Variants in FGFR2 observed in about 807,000 individuals in gnomAD.
FGFR2 encodes fibroblast growth factor receptor 2.
A neutral mutation model predicts 95.9 loss-of-function variants in FGFR2; 19 were observed. That is an observed-to-expected ratio of 0.20 (90% confidence interval 0.14 to 0.29). The LOEUF is 0.29. Among genes scored for constraint, FGFR2 ranks in the 10% least tolerant of loss-of-function variants. The probability of loss-of-function intolerance (pLI) is 1.00; values close to 1 mark genes in which losing one functional copy is unlikely to be tolerated. For missense variants in FGFR2, 707 were observed against 1,056.9 expected (o/e 0.67, Z 4.59); for synonymous variants, 392 against 393.3 (o/e 1.00, Z 0.04).
intron 2 of FGFR2, among the ~76,000 whole-genome samples, chr10:121,579,617 AAC>A (rs1860502007): frequency 6.6e-6 from 1 of 152,156 alleles, no homozygotes; most frequent in Non-Finnish European, 1.5e-5. Flanking sequence ...TCATCCATCC[AAC>A]ACATTTGAGA....
At chr10:121,512,422 A>C (rs1002010294) in intron 9 of FGFR2, among the ~76,000 whole-genome samples, 2 of 152,194 alleles carry the variant, frequency 1.3e-5, no homozygotes, top group Non-Finnish European at 2.9e-5. Context: ...CCCCAAATAA[A>C]TTAATCTCGC....
chr10:121,542,632 A>C (rs930134817), intron 5 of FGFR2, among the ~76,000 whole-genome samples: 3 of 152,248 alleles, frequency 2.0e-5, no homozygotes, highest in East Asian at 3.8e-4. Context: ...TGTTCACTAA[A>C]GACTTTTTTA....
At chr10:121,566,604 C>G (rs777950216) in intron 2 of FGFR2, among the ~76,000 whole-genome samples, 1 of 152,132 alleles carries the variant, frequency 6.6e-6, no homozygotes, top group Admixed American at 6.5e-5. Flanking sequence ...CAGGGTCCTC[C>G]GTGATGGGAG....
At chr10:121,569,538 T>C (rs1353399926) in intron 2 of FGFR2, among the ~76,000 whole-genome samples, 2 of 152,168 alleles carry the variant, frequency 1.3e-5, no homozygotes, top group African/African-American at 2.4e-5. Context: ...TGGATTGCTA[T>C]CTCCAGATAC....
At chr10:121,493,945 T>A (rs1846456202) in intron 13 of FGFR2, among the ~76,000 whole-genome samples, 1 of 151,650 alleles carries the variant, frequency 6.6e-6, no homozygotes. Context: ...TCTCTTTCTC[T>A]CCCTCCTATC....
chr10:121,537,144 C>T (rs1236982587), intron 6 of FGFR2, among the ~76,000 whole-genome samples: 1 of 152,198 alleles, frequency 6.6e-6, no homozygotes, highest in Non-Finnish European at 1.5e-5. Context: ...CATGTTTTCT[C>T]TATGGGGAAA....
chr10:121,484,893 C>T (rs1441205183), intron 16 of FGFR2, among the ~76,000 whole-genome samples: 1 of 152,180 alleles, frequency 6.6e-6, no homozygotes, highest in Non-Finnish European at 1.5e-5. Flanking sequence ...TGGCAATTTT[C>T]AATGGTTCGA....
intron 6 of FGFR2, among the ~76,000 whole-genome samples, chr10:121,524,101 T>TACACACACACACACACAC (rs61527395): frequency 2.2e-5 from 2 of 89,132 alleles, no homozygotes; most frequent in African/African-American, 7.2e-5. Context: ...CGGCTATGTA[T>TACACACACACACACACAC]ACACACACAC....
At chr10:121,577,158 A>C (rs10886947) in intron 2 of FGFR2, among the ~76,000 whole-genome samples, 1 of 13,944 alleles carries the variant, frequency 7.2e-5, no homozygotes, top group African/African-American at 2.7e-4. Flanking sequence ...AAAAAAAAAA[A>C]ATATATATAT....
intron 5 of FGFR2, among the ~76,000 whole-genome samples, chr10:121,545,462 G>C (rs566985519): frequency 5.1e-4 from 78 of 152,150 alleles, no homozygotes; most frequent in Non-Finnish European, 8.4e-4. Context: ...CTGCCTCTTT[G>C]GGCTGTGGAA....
chr10:121,509,756 T>A (rs1848813750), intron 9 of FGFR2, among the ~76,000 whole-genome samples: 1 of 151,994 alleles, frequency 6.6e-6, no homozygotes, highest in South Asian at 2.1e-4. Context: ...GTGCTGGGAT[T>A]ACAGGTGTGG....
At chr10:121,561,969 T>A (rs1016709752) in intron 4 of FGFR2, among the ~76,000 whole-genome samples, 1 of 152,174 alleles carries the variant, frequency 6.6e-6, no homozygotes, top group African/African-American at 2.4e-5. Context: ...ATCAGAGAAA[T>A]TTAAATTAAA....
At position 121,570,255 on chromosome 10, in the gene FGFR2, G is replaced by A. The variant is rs147223152; in HGVS notation, c.110-4551C>T. Among the ~76,000 whole-genome samples the A allele has an allele frequency of 9.8e-4, 149 of 152,338 alleles. 1 individual carries two copies. The highest frequency in any genetic ancestry group is 3.5e-3 in the African/African-American group (144 of 41,576). Reference sequence around the variant, plus strand: ...TTCTCTTCTGGGTTTGAATGCTGCAGGTGACCTGACCCGCTGCCCACTCCC... The same window carrying A: ...TTCTCTTCTGGGTTTGAATGCTGCAAGTGACCTGACCCGCTGCCCACTCCC... On this transcript the variant is annotated intron_variant, in intron 2 of 17. Transcript: ENST00000358487.
chr10:121,574,802 A>G (rs772521938), intron 2 of FGFR2, among the ~76,000 whole-genome samples: 6 of 152,246 alleles, frequency 3.9e-5, no homozygotes, highest in Non-Finnish European at 8.8e-5. Flanking sequence ...TACTCCGCAC[A>G]ATATAAAGGT....
chr10:121,577,182 G>GAGAGAGAGAGAGAGAGAGAA (rs1860005483), intron 2 of FGFR2, among the ~76,000 whole-genome samples: 1 of 70,214 alleles, frequency 1.4e-5, no homozygotes, highest in Non-Finnish European at 2.6e-5. Context: ...TATATATAGA[G>GAGAGAGAGAGAGAGAGAGAA]AGAGAGAGAG....
chr10:121,485,388 C>T lies in FGFR2; in HGVS notation c.2195+7G>A, dbSNP rs377397478. 9.3e-6 allele frequency: 15 copies of T among 1,613,954 alleles called. No homozygotes were observed. Among genetic ancestry groups the T allele is most frequent in the African/African-American group, 1.3e-5 (1 of 74,898 alleles). On this transcript the variant is annotated splice_region_variant and intron_variant, in intron 16 of 17. Coordinates refer to ENST00000358487, the MANE Select transcript of FGFR2 (RefSeq NM_000141.5). This position sits in a 1 kb window ranked among gnomAD's most constrained non-coding sequence, Gnocchi z 4.2. ...GGGGCACCGGCAGGAAAGACAACAG[C>T]CCTTACAGTTCGTTGGTGCAGTTGG...
chr10:121,508,255 T>C (rs1378454099), intron 9 of FGFR2, among the ~76,000 whole-genome samples: 2 of 152,334 alleles, frequency 1.3e-5, no homozygotes, highest in East Asian at 3.9e-4. Flanking sequence ...TTAGTGGGCA[T>C]GTCTGATTTG....
rs2133940673 is a variant in FGFR2 at position 121,496,650 on chromosome 10, G to A, written c.1745C>T (p.Pro582Leu). 1 of 1,612,444 alleles carries A rather than the reference G, an allele frequency of 6.2e-7. No homozygotes were observed. The highest frequency in any genetic ancestry group is 8.5e-7 in the Non-Finnish European group (1 of 1,179,900). Residue 582 changes from proline (P) to leucine (L), a missense_variant, in exon 13 of 18, where the codon CCC becomes CTC. By Grantham distance (98) the Pro-to-Leu change is moderately conservative (BLOSUM62 -3). Transcript: ENST00000358487. The stretch of plus-strand genomic sequence containing the variant: ...AATGTCATAGGAGTACTCCATCCCG[G>A]GTGGCCTCCGGGCTCGGAGGTATTC... ...LREYLRARRP[P>L]GMEYSYDINR... is the part of the protein sequence containing the mutation.
At chr10:121,577,611 T>C (rs1233374095) in intron 2 of FGFR2, among the ~76,000 whole-genome samples, 2 of 152,136 alleles carry the variant, frequency 1.3e-5, no homozygotes, top group Non-Finnish European at 2.9e-5. Flanking sequence ...CTCGCCTTTC[T>C]AGGAAATTTC....
Sources: gnomAD v4.1 joint callset for allele counts (sites outside exome capture counted in the v4.1 genomes callset) on GRCh38, gnomAD v4.1.1 for gene constraint, Gnocchi (gnomAD v3.1) non-coding constraint, MANE v1.5 for transcripts, NCBI Gene and HGNC (gene_info 2026-07-23, HGNC 2026-07-21) for gene names.